The following CDH13 variants were observed in gnomAD, a reference collection of about 807,000 sequenced individuals.
CDH13 encodes the protein cadherin-13.
CDH13 carries 24 observed loss-of-function variants against 63.8 expected under a neutral mutation model. The ratio of observed to expected loss-of-function variants is 0.38; its 90% CI spans 0.27 to 0.53. The LOEUF (loss-of-function observed/expected upper bound fraction) is 0.53. Ranked by LOEUF, CDH13 falls within the 20% of genes least tolerant of loss-of-function variation. The probability of loss-of-function intolerance (pLI) is 0.85; values close to 1 mark genes in which losing one functional copy is unlikely to be tolerated. For synonymous variants in CDH13, 503 were observed against 355.3 expected (o/e 1.42, Z -4.67); for missense variants, 1,049 against 903.1 (o/e 1.16, Z -2.07).
At chr16:82,812,146 T>C (rs1168752896) in intron 1 of CDH13, among the ~76,000 whole-genome samples, 1 of 152,140 alleles carries the variant, frequency 6.6e-6, no homozygotes. Flanking sequence ...TAACAATCAT[T>C]GTGCCAACAG....
chr16:82,919,526 A>C (rs1475802282), intron 2 of CDH13, among the ~76,000 whole-genome samples: 1 of 152,166 alleles, frequency 6.6e-6, no homozygotes, highest in Non-Finnish European at 1.5e-5. Context: ...TGTGTTCCTG[A>C]AAAGGTCATG....
At chr16:82,749,303 G>T (rs904738538) in intron 1 of CDH13, among the ~76,000 whole-genome samples, 12 of 152,150 alleles carry the variant, frequency 7.9e-5, no homozygotes, top group African/African-American at 2.7e-4. Flanking sequence ...TATATTATCT[G>T]TTTAATGAGT....
chr16:83,779,406 C>CAAAAA (rs144757645), intron 11 of CDH13, among the ~76,000 whole-genome samples: 8 of 82,562 alleles, frequency 9.7e-5, no homozygotes, highest in African/African-American at 3.9e-4. Context: ...GACTCCATCT[C>CAAAAA]AAAAAAAAAA....
At chr16:83,126,356 C>G (rs978161148) in intron 4 of CDH13, among the ~76,000 whole-genome samples, 1 of 152,168 alleles carries the variant, frequency 6.6e-6, no homozygotes, top group Non-Finnish European at 1.5e-5. Context: ...CTAAGCTGAC[C>G]TGATTGGCTA....
chr16:83,666,587 T>A (rs1458381203), intron 8 of CDH13, among the ~76,000 whole-genome samples: 2 of 152,250 alleles, frequency 1.3e-5, no homozygotes, highest in Non-Finnish European at 2.9e-5. Context: ...CTCTGGAGTC[T>A]GATGTCATAG....
At chr16:83,266,405 T>G (rs1907626870) in intron 5 of CDH13, among the ~76,000 whole-genome samples, 6 of 152,244 alleles carry the variant, frequency 3.9e-5, no homozygotes, top group Admixed American at 3.3e-4. Context: ...GGGGGAAATG[T>G]TAATTGAAAT....
At chr16:82,843,485 A>C (rs1287384557) in intron 1 of CDH13, among the ~76,000 whole-genome samples, 1 of 152,228 alleles carries the variant, frequency 6.6e-6, no homozygotes, top group East Asian at 1.9e-4. Context: ...CATTCTGCTT[A>C]ACATAATCAG....
intron 7 of CDH13, among the ~76,000 whole-genome samples, chr16:83,575,526 C>T (rs1262721800): frequency 2.0e-5 from 3 of 152,206 alleles, no homozygotes; most frequent in African/African-American, 4.8e-5. Context: ...CCACGTGTCC[C>T]TCTGTCTCGG....
chr16:82,700,936 A>G (rs1224023528), intron 1 of CDH13, among the ~76,000 whole-genome samples: 2 of 115,884 alleles, frequency 1.7e-5, no homozygotes. Flanking sequence ...TACGTGCACC[A>G]TTGTAAGTGC....
intron 1 of CDH13, among the ~76,000 whole-genome samples, chr16:82,799,352 G>C (rs767885556): frequency 6.6e-6 from 1 of 152,104 alleles, no homozygotes; most frequent in Non-Finnish European, 1.5e-5. Context: ...ATCCCCACTT[G>C]GACTACAAAT....
At chr16:83,381,647 C>G (rs1052132763) in intron 6 of CDH13, among the ~76,000 whole-genome samples, 1 of 151,954 alleles carries the variant, frequency 6.6e-6, no homozygotes, top group Admixed American at 6.6e-5. Flanking sequence ...TAAAAAAGCT[C>G]ACCTAAACCC....
chr16:83,629,825 G>A (rs924360769), intron 8 of CDH13, among the ~76,000 whole-genome samples: 1 of 152,228 alleles, frequency 6.6e-6, no homozygotes, highest in East Asian at 1.9e-4. Context: ...CAATGTAGAA[G>A]ATTGACAAGC....
At chr16:82,948,682 ATGT>A (rs1265252869) in intron 2 of CDH13, among the ~76,000 whole-genome samples, 1 of 152,156 alleles carries the variant, frequency 6.6e-6, no homozygotes, top group African/African-American at 2.4e-5. Flanking sequence ...CACTTTCAAA[ATGT>A]TGTCTAGAAT....
intron 3 of CDH13, among the ~76,000 whole-genome samples, chr16:83,080,475 C>T (rs931058267): frequency 7.9e-5 from 12 of 152,168 alleles, no homozygotes; most frequent in African/African-American, 2.9e-4. Context: ...TTCTTGGGAG[C>T]CAGATGTTCC....
intron 1 of CDH13, among the ~76,000 whole-genome samples, chr16:82,804,655 A>C (rs1221698451): frequency 6.6e-6 from 1 of 152,162 alleles, no homozygotes; most frequent in Non-Finnish European, 1.5e-5. Flanking sequence ...TGTATGTATG[A>C]AACACCACAG....
At chr16:83,316,984 A>T (rs1321498838) in intron 5 of CDH13, among the ~76,000 whole-genome samples, 2 of 152,214 alleles carry the variant, frequency 1.3e-5, no homozygotes, top group Admixed American at 1.3e-4. Flanking sequence ...AACATAGCAG[A>T]GGGGTTCCTA....
chr16:83,466,557 C>T (rs2073321385), intron 6 of CDH13, among the ~76,000 whole-genome samples: 1 of 152,164 alleles, frequency 6.6e-6, no homozygotes, highest in Non-Finnish European at 1.5e-5. Context: ...AACACACTCC[C>T]CCTAATGACC....
At position 83,094,977 on chromosome 16, in the gene CDH13, A is replaced by G. The variant is rs575930293; in HGVS notation, c.367-30408A>G. On this transcript the variant is annotated intron_variant, in intron 3 of 13. Coordinates refer to ENST00000567109, the MANE Select transcript of CDH13 (RefSeq NM_001257.5). ...ACACCTTGTGTGAGCTTGAGGTCCTATTGTAGGATTAATCATCAGAGCAGT... is the reference window on the plus strand; with the variant it reads ...ACACCTTGTGTGAGCTTGAGGTCCTGTTGTAGGATTAATCATCAGAGCAGT... 1.9e-4 allele frequency among the ~76,000 whole-genome samples: 29 copies of G among 152,278 alleles called. 1 individual carries two copies. The East Asian group carries it at 2.1e-3, about 11-fold the overall frequency.
At chr16:83,553,384 A>G (rs1189912106) in intron 7 of CDH13, among the ~76,000 whole-genome samples, 2 of 152,232 alleles carry the variant, frequency 1.3e-5, no homozygotes, top group African/African-American at 4.8e-5. Flanking sequence ...TCAACCAGAG[A>G]AAACTCTTAG....
Sources: gnomAD v4.1 joint callset for allele counts (sites outside exome capture counted in the v4.1 genomes callset) on GRCh38, gnomAD v4.1.1 for gene constraint, MANE v1.5 for transcripts, NCBI Gene and HGNC (gene_info 2026-07-23, HGNC 2026-07-21) for gene names.